Variants in NXPE2 observed in about 807,000 individuals in gnomAD.
The protein encoded by NXPE2 is neurexophilin and PC-esterase domain family member 2, also known as NXPE family member 2.
Under a neutral mutation model 34.4 loss-of-function variants are expected in NXPE2, and 34 were observed. The observed-to-expected ratio is 0.99, with a 90% CI of 0.75 to 1.31. The LOEUF (loss-of-function observed/expected upper bound fraction) is 1.31, where lower values mean the gene tolerates loss of function less well. Ranked by LOEUF, NXPE2 falls within the 40% of genes most tolerant of loss-of-function variation. The pLI is 0.00. For missense variants in NXPE2, 649 were observed against 672.5 expected, an observed-to-expected ratio of 0.97 and a Z score of 0.39; for synonymous variants, 235 against 231.3, an observed-to-expected ratio of 1.02 and a Z score of -0.15.
the NXPE2 span, among the ~76,000 whole-genome samples, chr11:114,556,964 C>T: frequency 6.6e-6 from 1 of 151,048 alleles, no homozygotes; most frequent in African/African-American, 2.4e-5. Context: ...ACTATCTTGG[C>T]TCACTGCAAC....
At chr11:114,549,345 C>A in the NXPE2 span, among the ~76,000 whole-genome samples, 1 of 151,968 alleles carries the variant, frequency 6.6e-6, no homozygotes, top group Non-Finnish European at 1.5e-5. Context: ...TTGAGATATA[C>A]ATCTTAAATA....
downstream of NXPE2, among the ~76,000 whole-genome samples, chr11:114,710,110 G>C (rs1246802863): frequency 6.6e-6 from 1 of 151,942 alleles, no homozygotes; most frequent in African/African-American, 2.4e-5. Context: ...GCAATAACAG[G>C]GAAGTTCATA....
chr11:114,700,726 GTTTC>G (rs1232533879), intron 3 of NXPE2, among the ~76,000 whole-genome samples: 1 of 152,058 alleles, frequency 6.6e-6, no homozygotes, highest in Non-Finnish European at 1.5e-5. Context: ...AGTTAAGTTG[GTTTC>G]TTTGCAGCAG....
At chr11:114,801,602 G>A in the NXPE2 span, among the ~76,000 whole-genome samples, 1 of 152,170 alleles carries the variant, frequency 6.6e-6, no homozygotes, top group Admixed American at 6.5e-5. Context: ...ATATGTTATA[G>A]GTTGTCAAGA....
chr11:114,605,494 A>T, the NXPE2 span, among the ~76,000 whole-genome samples: 2 of 151,826 alleles, frequency 1.3e-5, no homozygotes, highest in Non-Finnish European at 2.9e-5. Context: ...CCGGTGGATA[A>T]TAAGTGTTGC....
the NXPE2 span, among the ~76,000 whole-genome samples, chr11:114,806,062 G>A: frequency 0.81 from 122,761 of 152,054 alleles, 49,995 homozygotes; most frequent in Non-Finnish European, 0.87. Context: ...TGCAGCCACC[G>A]CTGCTGGTAC....
At chr11:114,551,104 T>G in the NXPE2 span, 2 of 1,487,350 alleles carry the variant, frequency 1.3e-6, no homozygotes, top group Non-Finnish European at 1.8e-6. Flanking sequence ...TGCTCCTACC[T>G]TTGTGAAGTT....
the NXPE2 span, among the ~76,000 whole-genome samples, chr11:114,608,934 G>A: frequency 6.7e-6 from 1 of 149,000 alleles, no homozygotes. Flanking sequence ...GTACTGCCTC[G>A]TGGGTAACCA....
At chr11:114,623,006 T>C in the NXPE2 span, among the ~76,000 whole-genome samples, 1 of 152,058 alleles carries the variant, frequency 6.6e-6, no homozygotes, top group African/African-American at 2.4e-5. Context: ...TGGTGGATAA[T>C]AAGTGTTGCC....
the NXPE2 span, among the ~76,000 whole-genome samples, chr11:114,668,069 A>G: frequency 6.6e-6 from 1 of 151,812 alleles, no homozygotes; most frequent in Non-Finnish European, 1.5e-5. Context: ...AGGGAGAAGG[A>G]TGTTCAGGAA....
At chr11:114,615,753 GATA>G in the NXPE2 span, among the ~76,000 whole-genome samples, 1 of 151,466 alleles carries the variant, frequency 6.6e-6, no homozygotes, top group Non-Finnish European at 1.5e-5. Flanking sequence ...TTACTCAGTG[GATA>G]ATAAGTACTG....
the NXPE2 span, among the ~76,000 whole-genome samples, chr11:114,771,749 C>T: frequency 4.3e-3 from 660 of 152,362 alleles, 2 homozygotes; most frequent in African/African-American, 0.014. Context: ...CTCTTGTTAG[C>T]GCTCTGCTTC....
downstream of NXPE2, among the ~76,000 whole-genome samples, chr11:114,711,012 T>C (rs780156551): frequency 1.3e-5 from 2 of 152,118 alleles, no homozygotes; most frequent in African/African-American, 2.4e-5. Context: ...TCTCAATTGA[T>C]GCAGAAAAAG....
the NXPE2 span, among the ~76,000 whole-genome samples, chr11:114,537,204 GA>G: frequency 6.6e-6 from 1 of 152,174 alleles, no homozygotes; most frequent in Non-Finnish European, 1.5e-5. Context: ...AATAGATGCA[GA>G]AAGGGCCTTT....
At chr11:114,513,110 G>A in the NXPE2 span, 1 of 538,330 alleles carries the variant, frequency 1.9e-6, no homozygotes, top group South Asian at 1.4e-5. Flanking sequence ...TGAAGCACCT[G>A]CCATCAGGGC....
chr11:114,489,659 G>C, the NXPE2 span, among the ~76,000 whole-genome samples: 34 of 152,276 alleles, frequency 2.2e-4, no homozygotes, highest in African/African-American at 6.3e-4. Context: ...ATTCAACAAC[G>C]CTTCATGCTA....
chr11:114,766,243 G>C, the NXPE2 span, among the ~76,000 whole-genome samples: 1 of 152,144 alleles, frequency 6.6e-6, no homozygotes, highest in Middle Eastern at 3.4e-3. Flanking sequence ...GCTCTGACTT[G>C]GGCTTTGTAC....
the NXPE2 span, among the ~76,000 whole-genome samples, chr11:114,779,549 G>T: frequency 1.3e-5 from 2 of 152,178 alleles, no homozygotes; most frequent in South Asian, 2.1e-4. Flanking sequence ...GCAAGTTCTT[G>T]CTGTGAGCTT....
At chr11:114,663,679 T>C in the NXPE2 span, among the ~76,000 whole-genome samples, 9 of 13,886 alleles carry the variant, frequency 6.5e-4, no homozygotes, top group Non-Finnish European at 4.4e-4. Context: ...TCTATCTATT[T>C]ATCTATCTAT....
Sources: gnomAD v4.1 joint callset for allele counts (sites outside exome capture counted in the v4.1 genomes callset) on GRCh38, gnomAD v4.1.1 for gene constraint, MANE v1.5 for transcripts, NCBI Gene and HGNC (gene_info 2026-07-23, HGNC 2026-07-21) for gene names.